Variants in ABI1 observed in about 807,000 individuals in gnomAD.
The protein encoded by ABI1 is Abelson interactor 1.
ABI1 carries 14 observed loss-of-function variants against 54.6 expected under a neutral mutation model. The ratio of observed to expected loss-of-function variants is 0.26; its 90% CI spans 0.17 to 0.40. The LOEUF (loss-of-function observed/expected upper bound fraction) is 0.40. ABI1 is among the 10% of genes least tolerant of loss of function. ABI1 has a pLI of 1.00. For synonymous variants in ABI1, 194 were observed against 209.3 expected, an observed-to-expected ratio of 0.93 and a Z score of 0.63; for missense variants, 443 against 598.3, an observed-to-expected ratio of 0.74 and a Z score of 2.71.
chr10:26,855,632 A>G (rs886920676), intron 1 of ABI1, among the ~76,000 whole-genome samples: 13 of 152,102 alleles, frequency 8.5e-5, no homozygotes, highest in African/African-American at 3.1e-4. Context: ...ACCCTTCTCT[A>G]TTACCCTCTG....
chr10:26,847,310 G>A (rs75867880), intron 1 of ABI1, among the ~76,000 whole-genome samples: 2,070 of 152,182 alleles, frequency 0.014, 27 homozygotes, highest in Middle Eastern at 0.034. Context: ...TCACCAGTTT[G>A]TCTTCCCACT....
chr10:26,771,448 T>A (rs1416238608), intron 3 of ABI1, among the ~76,000 whole-genome samples: 1 of 152,188 alleles, frequency 6.6e-6, no homozygotes, highest in Non-Finnish European at 1.5e-5. Context: ...ACACATTAGA[T>A]GTGAAGCTAT....
In ABI1 at chr10:26,759,191, G is replaced by A; in HGVS notation, c.868C>T (p.Gln290Ter). 1 of 1,614,116 alleles carries A rather than the reference G, an allele frequency of 6.2e-7. No individual in the cohort carries two copies. The highest frequency in any genetic ancestry group is 8.5e-7 in the Non-Finnish European group (1 of 1,179,992). ...PGSQYGTMTRQISRHNSTTSS... is the reference protein window; with the variant it reads ...PGSQYGTMTR ...GTAGTAGAGTTGTGTCGAGATATCT[G>A]CCTGGTCATTGTGCCATACTGGGAA... Residue 290 changes from glutamine to a stop codon, truncating the protein, a stop_gained, in exon 8 of 11, where the codon CAG becomes TAG. Coordinates refer to ENST00000376140, the MANE Select transcript of ABI1 (RefSeq NM_001012750.3). LOFTEE classifies it high-confidence loss of function.
intron 1 of ABI1, among the ~76,000 whole-genome samples, chr10:26,833,965 C>T (rs753174885): frequency 2.3e-4 from 35 of 152,174 alleles, no homozygotes; most frequent in Admixed American, 1.2e-3. Context: ...CACAGTGGCT[C>T]ATGCCTGTAA....
chr10:26,769,202 G>A (rs1020922976), intron 5 of ABI1, among the ~76,000 whole-genome samples: 1 of 151,936 alleles, frequency 6.6e-6, no homozygotes, highest in African/African-American at 2.4e-5. Context: ...CTTTTCCTAG[G>A]AAAAACATAG....
intron 10 of ABI1, 69 bp from the exon 11 acceptor site, chr10:26,748,814 AAG>A (rs1837235374): frequency 1.7e-6 from 2 of 1,143,740 alleles, no homozygotes; most frequent in Non-Finnish European, 2.5e-6. Flanking sequence ...TTTTAAGACA[AAG>A]ACAATTAAAT....
chr10:26,835,918 T>G (rs2049038598), intron 1 of ABI1, among the ~76,000 whole-genome samples: 3 of 151,630 alleles, frequency 2.0e-5, no homozygotes, highest in Non-Finnish European at 4.4e-5. Context: ...TCTGGCTAAC[T>G]TTTTTTGCAT....
In ABI1 at chr10:26,771,057, A is replaced by G; in HGVS notation, c.477+18T>C. On this transcript the variant is annotated intron_variant, in intron 4 of 10. Coordinates refer to ENST00000376140, the MANE Select transcript of ABI1 (RefSeq NM_001012750.3). ...CAGAGGAAATACTGTGGATCAAATG[A>G]TAAGTAATGGCTCTTACCTTGGCTT... 6.2e-7 allele frequency: 1 copy of G among 1,613,560 alleles called. No individual in the cohort carries two copies. Among genetic ancestry groups the G allele is most frequent in the Non-Finnish European group, 8.5e-7 (1 of 1,179,644 alleles).
chr10:26,771,751 C>T (rs1226084304), intron 3 of ABI1, among the ~76,000 whole-genome samples: 1 of 152,134 alleles, frequency 6.6e-6, no homozygotes, highest in East Asian at 1.9e-4. Context: ...TGCAGGCCAA[C>T]ACTAATAGGA....
intron 2 of ABI1, among the ~76,000 whole-genome samples, chr10:26,794,475 A>C (rs550537559): frequency 4.7e-4 from 71 of 152,092 alleles, no homozygotes; most frequent in African/African-American, 1.7e-3. Context: ...AATGACTAAG[A>C]GTTGAGTTCA....
intron 2 of ABI1, among the ~76,000 whole-genome samples, chr10:26,801,322 G>A (rs535389412): frequency 3.9e-5 from 6 of 152,146 alleles, no homozygotes; most frequent in Admixed American, 2.0e-4. Context: ...CAAGGCAGGC[G>A]GATCACTTGA....
intron 2 of ABI1, among the ~76,000 whole-genome samples, chr10:26,788,219 T>C (rs1361822399): frequency 6.6e-6 from 1 of 152,222 alleles, no homozygotes; most frequent in African/African-American, 2.4e-5. Flanking sequence ...GAAGGGCATT[T>C]TGCCTCCCGG....
chr10:26,823,008 A>G, intron 2 of ABI1, 130 bp downstream of exon 2: 1 of 808,316 alleles, frequency 1.2e-6, no homozygotes, highest in Non-Finnish European at 1.9e-6. Context: ...CAGGTTTACC[A>G]AACTAAAACA....
At chr10:26,767,508 C>T (rs537098949) in intron 6 of ABI1, among the ~76,000 whole-genome samples, 13 of 152,214 alleles carry the variant, frequency 8.5e-5, no homozygotes, top group Admixed American at 3.3e-4. Flanking sequence ...TTATAAAGCA[C>T]TCAAAAATTG....
chr10:26,839,267 A>G (rs2049312328), intron 1 of ABI1, among the ~76,000 whole-genome samples: 1 of 151,948 alleles, frequency 6.6e-6, no homozygotes, highest in African/African-American at 2.4e-5. Flanking sequence ...GAAGCTGAGG[A>G]AAGTGGATTG....
rs574465861 is a variant in ABI1, at chr10:26,860,342, C to T, written c.117+405G>A. Among the ~76,000 whole-genome samples, 15 of 152,190 alleles carry T rather than the reference C, an allele frequency of 9.9e-5. No homozygotes were observed. Among genetic ancestry groups the T allele is most frequent in the Non-Finnish European group, 2.2e-4 (15 of 68,016 alleles). On this transcript the variant is annotated intron_variant, in intron 1 of 10. Coordinates refer to ENST00000376140, the MANE Select transcript of ABI1 (RefSeq NM_001012750.3). This position sits in a 1 kb window ranked among gnomAD's most constrained non-coding sequence, Gnocchi z 4.1. ...TCCCGTCCTGGACCTCCTCTCCCGG[C>T]GCAGAGAGGCGGCGCGGCGGCAGCT...
intron 2 of ABI1, among the ~76,000 whole-genome samples, chr10:26,784,191 C>T (rs1842462590): frequency 6.6e-6 from 1 of 152,236 alleles, no homozygotes; most frequent in South Asian, 2.1e-4. Context: ...CCCCACCACA[C>T]AACTTTGATC....
chr10:26,800,249 G>T (rs568245076), intron 2 of ABI1, among the ~76,000 whole-genome samples: 2 of 152,108 alleles, frequency 1.3e-5, no homozygotes, highest in Non-Finnish European at 2.9e-5. Flanking sequence ...GCCGGGCATG[G>T]TGGCGTGTGC....
At chr10:26,819,467 A>G (rs2047821218) in intron 2 of ABI1, among the ~76,000 whole-genome samples, 1 of 152,250 alleles carries the variant, frequency 6.6e-6, no homozygotes, top group Admixed American at 6.5e-5. Context: ...AAAAATAGAC[A>G]TTCAGAATTA....
Sources: allele counts gnomAD v4.1 joint callset (sites outside exome capture counted in the v4.1 genomes callset), GRCh38; gene constraint gnomAD v4.1.1; non-coding constraint Gnocchi (gnomAD v3.1); transcripts MANE v1.5; gene names NCBI Gene and HGNC (gene_info 2026-07-23, HGNC 2026-07-21).